The following MARCHF1 variants were observed in gnomAD, a reference collection of about 807,000 sequenced individuals.
The protein encoded by MARCHF1 is E3 ubiquitin-protein ligase MARCHF1.
In MARCHF1, 40 loss-of-function variants were observed where a neutral mutation model predicts 54.2. The observed-to-expected ratio is 0.74, with a 90% CI of 0.57 to 0.96. MARCHF1 has a LOEUF of 0.96. Among genes scored for constraint, MARCHF1 ranks in the 40% least tolerant of loss-of-function variants. The probability of loss-of-function intolerance (pLI) is 0.00; values close to 1 mark genes in which losing one functional copy is unlikely to be tolerated. For synonymous variants in MARCHF1, 236 were observed against 236.3 expected, an observed-to-expected ratio of 1.00 and a Z score of 0.01; for missense variants, 586 against 656.5, an observed-to-expected ratio of 0.89 and a Z score of 1.17.
chr4:163,646,373 C>T (rs147286591), intron 5 of MARCHF1, among the ~76,000 whole-genome samples: 166 of 152,052 alleles, frequency 1.1e-3, no homozygotes, highest in Non-Finnish European at 1.8e-3. Context: ...TTTGCCTCAT[C>T]AAAAATGCCA....
chr4:164,341,299 T>C (rs1729921429), intron 1 of MARCHF1, among the ~76,000 whole-genome samples: 1 of 149,896 alleles, frequency 6.7e-6, no homozygotes, highest in African/African-American at 2.4e-5. Context: ...AACCCCAGCA[T>C]ACTCAAGAGT....
At chr4:163,771,769 G>A (rs1457380432) in intron 4 of MARCHF1, among the ~76,000 whole-genome samples, 1 of 152,174 alleles carries the variant, frequency 6.6e-6, no homozygotes, top group Non-Finnish European at 1.5e-5. Context: ...CAAGGGTGGA[G>A]GTGGAATTCA....
intron 2 of MARCHF1, among the ~76,000 whole-genome samples, chr4:164,026,337 A>G (rs7685588): frequency 0.065 from 9,921 of 152,214 alleles, 676 homozygotes; most frequent in East Asian, 0.32. Context: ...ATCCCTCAAG[A>G]AAATATTAAC....
chr4:164,375,898 T>A (rs555513025), intron 1 of MARCHF1, among the ~76,000 whole-genome samples: 3 of 152,194 alleles, frequency 2.0e-5, no homozygotes, highest in Non-Finnish European at 2.9e-5. Context: ...CCTTCAGATG[T>A]CAGGTAAAAT....
intron 1 of MARCHF1, among the ~76,000 whole-genome samples, chr4:164,367,256 G>C (rs1165527730): frequency 6.6e-6 from 1 of 152,056 alleles, no homozygotes; most frequent in African/African-American, 2.4e-5. Flanking sequence ...ATCATGGAGA[G>C]TCTTCTATTA....
chr4:164,243,427 CT>C (rs1732838963), intron 1 of MARCHF1, among the ~76,000 whole-genome samples: 1 of 151,732 alleles, frequency 6.6e-6, no homozygotes, highest in South Asian at 2.1e-4. Flanking sequence ...CAAGCAAATG[CT>C]GAGAGATTTT....
At chr4:164,304,257 A>C (rs948040148) in intron 1 of MARCHF1, among the ~76,000 whole-genome samples, 2 of 152,236 alleles carry the variant, frequency 1.3e-5, no homozygotes, top group Non-Finnish European at 2.9e-5. Flanking sequence ...AACAAGTTAC[A>C]GGGGAAAAAC....
At chr4:164,282,622 TTGG>T (rs1560986676) in intron 1 of MARCHF1, among the ~76,000 whole-genome samples, 3 of 151,178 alleles carry the variant, frequency 2.0e-5, no homozygotes, top group Non-Finnish European at 4.4e-5. Flanking sequence ...AAATACTCAA[TTGG>T]TCTTTTGGCC....
intron 3 of MARCHF1, among the ~76,000 whole-genome samples, chr4:163,909,820 A>T (rs6536759): frequency 0.94 from 143,299 of 152,218 alleles, 67,883 homozygotes; most frequent in South Asian, 0.99. Flanking sequence ...CATAAATATA[A>T]TTAAAAGACA....
At chr4:163,641,081 T>C (rs1742536287) in intron 5 of MARCHF1, among the ~76,000 whole-genome samples, 1 of 152,132 alleles carries the variant, frequency 6.6e-6, no homozygotes, top group African/African-American at 2.4e-5. Flanking sequence ...GTCTCTATTG[T>C]CTCTAAAGTC....
At chr4:163,672,372 G>A (rs77370886) in intron 5 of MARCHF1, among the ~76,000 whole-genome samples, 29,104 of 151,884 alleles carry the variant, frequency 0.19, 3,567 homozygotes, top group East Asian at 0.39. Flanking sequence ...CCCTCAGCAC[G>A]GCACAGCTTG....
intron 2 of MARCHF1, among the ~76,000 whole-genome samples, chr4:164,044,322 G>A (rs1442893841): frequency 6.6e-6 from 1 of 152,104 alleles, no homozygotes; most frequent in Non-Finnish European, 1.5e-5. Context: ...AGCATAATTA[G>A]GAGGCCTTAC....
chr4:164,023,950 G>A (rs1030234063), intron 2 of MARCHF1, among the ~76,000 whole-genome samples: 13 of 152,036 alleles, frequency 8.6e-5, no homozygotes, highest in Non-Finnish European at 1.9e-4. Context: ...ACAATTTGAA[G>A]TATTATTAGC....
At chr4:164,149,127 G>C (rs964764685) in intron 1 of MARCHF1, among the ~76,000 whole-genome samples, 4 of 152,146 alleles carry the variant, frequency 2.6e-5, no homozygotes, top group African/African-American at 9.7e-5. Context: ...CTCTTGTCAT[G>C]TGATATGCCA....
chr4:164,357,130 A>T (rs1730579127), intron 1 of MARCHF1, among the ~76,000 whole-genome samples: 1 of 149,804 alleles, frequency 6.7e-6, no homozygotes. Flanking sequence ...AAAAAAAAAA[A>T]TAAATAAAAA....
rs554076823 is a variant in MARCHF1, at chr4:163,613,601, G to A, written c.163-208C>T. On this transcript the variant is annotated intron_variant, in intron 5 of 9. Coordinates refer to ENST00000514618, the MANE Select transcript of MARCHF1 (RefSeq NM_001394959.1). ...GAACCTGGAACAGCTGAGATGCTGC[G>A]CTATTTTGCTGTTACTTCATTTACG... 56 of 1,447,140 alleles carry A rather than the reference G, an allele frequency of 3.9e-5. 1 individual carries two copies. The South Asian group carries it at 7.4e-4, about 19-fold the overall frequency. 89.6% of individuals were successfully genotyped at this position (1,447,140 alleles called of 1,614,324 possible).
intron 2 of MARCHF1, among the ~76,000 whole-genome samples, chr4:164,019,663 A>C (rs1392476194): frequency 1.3e-5 from 2 of 152,234 alleles, no homozygotes; most frequent in African/African-American, 4.8e-5. Flanking sequence ...CAAAGGTTAC[A>C]GAATGAGGCA....
Position 164,329,673 on chromosome 4 carries a change from A to G in MARCHF1, c.-323+54197T>C, listed in dbSNP as rs77504278. ...ATGGGGAGGTCTCAGGAAGCTTCCAATCATGACAGAAGGCAAAATAAGAGC... is the reference window on the plus strand; with the variant it reads ...ATGGGGAGGTCTCAGGAAGCTTCCAGTCATGACAGAAGGCAAAATAAGAGC... On this transcript the variant is annotated intron_variant, in intron 1 of 9. Transcript: ENST00000514618. Among the ~76,000 whole-genome samples the G allele has an allele frequency of 2.6e-5, 4 of 152,336 alleles. No homozygotes were observed. The East Asian group carries it at 7.7e-4, about 29-fold the overall frequency.
chr4:163,984,101 C>G (rs1465233327), intron 3 of MARCHF1, among the ~76,000 whole-genome samples: 1 of 151,952 alleles, frequency 6.6e-6, no homozygotes, highest in Non-Finnish European at 1.5e-5. Context: ...ACTGGAATCT[C>G]TACCAAAAGA....
Sources: allele counts gnomAD v4.1 joint callset (sites outside exome capture counted in the v4.1 genomes callset), GRCh38; gene constraint gnomAD v4.1.1; transcripts MANE v1.5; gene names NCBI Gene and HGNC (gene_info 2026-07-23, HGNC 2026-07-21).